The following TRDN variants were observed in gnomAD, a reference collection of about 807,000 sequenced individuals.
The protein encoded by TRDN is triadin, also known as triadin in skeletal muscle.
In TRDN, 161 loss-of-function variants were observed where a neutral mutation model predicts 149.7. The observed-to-expected ratio is 1.08, with a 90% CI of 0.95 to 1.23. The LOEUF (loss-of-function observed/expected upper bound fraction) is 1.23. Ranked by LOEUF, TRDN falls within the 50% of genes most tolerant of loss-of-function variation. The pLI, the probability that TRDN is intolerant of heterozygous loss-of-function variation, is 0.00. For synonymous variants in TRDN, 294 were observed against 250.5 expected, an observed-to-expected ratio of 1.17 and a Z score of -1.64; for missense variants, 896 against 823.5, an observed-to-expected ratio of 1.09 and a Z score of -1.08.
intron 23 of TRDN, among the ~76,000 whole-genome samples, chr6:123,324,257 T>C (rs1211405297): frequency 6.6e-6 from 1 of 152,176 alleles, no homozygotes; most frequent in Non-Finnish European, 1.5e-5. Flanking sequence ...AATCATCTTA[T>C]ATCTTGTTCA....
intron 4 of TRDN, among the ~76,000 whole-genome samples, chr6:123,543,947 A>G (rs2114413048): frequency 6.6e-6 from 1 of 152,182 alleles, no homozygotes; most frequent in South Asian, 2.1e-4. Context: ...AAGTGTACAT[A>G]TTGAAAATTT....
intron 24 of TRDN, among the ~76,000 whole-genome samples, chr6:123,313,468 T>C (rs1417984821): frequency 3.3e-5 from 5 of 151,940 alleles, no homozygotes; most frequent in Non-Finnish European, 7.4e-5. Context: ...ATGGAGATTT[T>C]TGTTTGTTTG....
chr6:123,388,859 C>T (rs1782004646), intron 13 of TRDN, among the ~76,000 whole-genome samples: 1 of 151,990 alleles, frequency 6.6e-6, no homozygotes, highest in Non-Finnish European at 1.5e-5. Flanking sequence ...TCTGAGGAAA[C>T]CACAATCTCT....
chr6:123,425,438 G>A (rs561103014), intron 12 of TRDN, among the ~76,000 whole-genome samples: 1 of 151,926 alleles, frequency 6.6e-6, no homozygotes, highest in Non-Finnish European at 1.5e-5. Flanking sequence ...ACATTTGAGA[G>A]TCATTATTAT....
intron 22 of TRDN, 111 bp from the exon 23 acceptor site, chr6:123,332,040 C>A: frequency 6.9e-6 from 5 of 721,362 alleles, no homozygotes; most frequent in Non-Finnish European, 8.7e-6. Flanking sequence ...TAAGTGGAAA[C>A]TTTATAATGC....
At chr6:123,380,600 T>A (rs1303872252) in intron 16 of TRDN, among the ~76,000 whole-genome samples, 3 of 152,130 alleles carry the variant, frequency 2.0e-5, no homozygotes, top group Non-Finnish European at 4.4e-5. Context: ...CCAAAACACA[T>A]AAATATATTT....
intron 8 of TRDN, chr6:123,498,653 T>A (rs1778549268): frequency 2.1e-6 from 1 of 469,890 alleles, no homozygotes; most frequent in Admixed American, 2.4e-5. Context: ...ACCCTATGAT[T>A]GGGAAAGACA....
intron 23 of TRDN, among the ~76,000 whole-genome samples, chr6:123,321,757 G>C (rs1378475554): frequency 6.6e-6 from 1 of 151,696 alleles, no homozygotes. Context: ...CCCTAAATAA[G>C]TCTTAAGAGG....
intron 9 of TRDN, among the ~76,000 whole-genome samples, chr6:123,466,187 T>C (rs1167217590): frequency 6.6e-6 from 1 of 152,240 alleles, no homozygotes; most frequent in Non-Finnish European, 1.5e-5. Context: ...AAGTAAAGAT[T>C]GACTTAAACA....
intron 12 of TRDN, among the ~76,000 whole-genome samples, chr6:123,419,497 C>T (rs1933895): frequency 0.34 from 51,697 of 151,912 alleles, 9,140 homozygotes; most frequent in African/African-American, 0.41. Context: ...CCTCAGCCTC[C>T]AAAGTAGCTA....
chr6:123,341,485 T>C (rs554618353), intron 21 of TRDN, among the ~76,000 whole-genome samples: 24 of 151,986 alleles, frequency 1.6e-4, no homozygotes, highest in Middle Eastern at 3.4e-3. Context: ...CTTTTATTTA[T>C]TTCATAGTCT....
intron 19 of TRDN, among the ~76,000 whole-genome samples, chr6:123,368,171 A>G (rs1374623336): frequency 1.3e-5 from 2 of 152,168 alleles, no homozygotes; most frequent in African/African-American, 4.8e-5. Context: ...AGGTGTATAG[A>G]AGTAATGCAT....
intron 9 of TRDN, among the ~76,000 whole-genome samples, chr6:123,495,887 C>T (rs1270834444): frequency 3.3e-5 from 5 of 151,782 alleles, no homozygotes; most frequent in Admixed American, 3.3e-4. Context: ...CAATTATTTG[C>T]TCAAGACCTA....
chr6:123,590,979 C>T (rs1783749648), intron 1 of TRDN, among the ~76,000 whole-genome samples: 1 of 151,986 alleles, frequency 6.6e-6, no homozygotes, highest in Non-Finnish European at 1.5e-5. Flanking sequence ...AGCCCAAGCG[C>T]TTTGATATAA....
intron 1 of TRDN, among the ~76,000 whole-genome samples, chr6:123,600,262 G>A (rs959628460): frequency 1.3e-5 from 2 of 151,962 alleles, no homozygotes; most frequent in Admixed American, 1.3e-4. Context: ...AGATCCTCAC[G>A]GTATCTGAAG....
intron 23 of TRDN, among the ~76,000 whole-genome samples, chr6:123,330,621 G>A (rs1301802534): frequency 5.3e-5 from 8 of 152,056 alleles, no homozygotes. Flanking sequence ...TAATAGGTTT[G>A]AAGCTATGTT....
intron 9 of TRDN, among the ~76,000 whole-genome samples, chr6:123,481,931 T>A (rs34944224): frequency 2.6e-5 from 4 of 152,156 alleles, no homozygotes. Context: ...TTTAGAGATC[T>A]AATTCCTAGA....
intron 12 of TRDN, among the ~76,000 whole-genome samples, chr6:123,413,425 T>C (rs1773522529): frequency 6.6e-6 from 1 of 152,232 alleles, no homozygotes; most frequent in Non-Finnish European, 1.5e-5. Flanking sequence ...CTTGGTGAAA[T>C]ACCAGAAAGT....
chr6:123,237,861 G>T (rs1775847019), intron 38 of TRDN, among the ~76,000 whole-genome samples: 1 of 152,046 alleles, frequency 6.6e-6, no homozygotes, highest in Non-Finnish European at 1.5e-5. Context: ...GCAGAACAAA[G>T]GCTAAGAGAA....
Sources: gnomAD v4.1 joint callset for allele counts (sites outside exome capture counted in the v4.1 genomes callset) on GRCh38, gnomAD v4.1.1 for gene constraint, MANE v1.5 for transcripts, NCBI Gene and HGNC (gene_info 2026-07-23, HGNC 2026-07-21) for gene names.